Variants in ARHGEF3 observed in about 807,000 individuals in gnomAD.
The protein encoded by ARHGEF3 is Rho guanine nucleotide exchange factor 3, also known as 59.8 kDA protein.
Under a neutral mutation model 63.2 loss-of-function variants are expected in ARHGEF3, and 28 were observed. That is an observed-to-expected ratio of 0.44 (90% confidence interval 0.33 to 0.61). The LOEUF is 0.61. ARHGEF3 is among the 20% of genes least tolerant of loss of function. The pLI, the probability that ARHGEF3 is intolerant of heterozygous loss-of-function variation, is 0.03. For missense variants in ARHGEF3, 533 were observed against 659.3 expected (o/e 0.81, Z 2.10); for synonymous variants, 266 against 254.2 (o/e 1.05, Z -0.44).
chr3:56,968,056 T>TATTAC (rs1700678120), intron 2 of ARHGEF3, among the ~76,000 whole-genome samples: 1 of 33,846 alleles, frequency 3.0e-5, no homozygotes, highest in Admixed American at 6.1e-4. Context: ...ATATATAATA[T>TATTAC]ATATAATATA....
chr3:57,002,096 T>C (rs1037371726), intron 2 of ARHGEF3, among the ~76,000 whole-genome samples: 2 of 151,886 alleles, frequency 1.3e-5, no homozygotes, highest in Non-Finnish European at 2.9e-5. Flanking sequence ...GCTAATTTTT[T>C]GTATTTTTAG....
At chr3:56,926,028 C>T (rs1045010304) in intron 3 of ARHGEF3, among the ~76,000 whole-genome samples, 16 of 152,244 alleles carry the variant, frequency 1.1e-4, no homozygotes, top group Non-Finnish European at 2.2e-4. Context: ...CAGAAGCTCA[C>T]AGGCCAGAGG....
At chr3:56,948,352 A>T (rs1257439834) in intron 3 of ARHGEF3, among the ~76,000 whole-genome samples, 1 of 152,192 alleles carries the variant, frequency 6.6e-6, no homozygotes, top group African/African-American at 2.4e-5. Context: ...TGGTTTTTTG[A>T]AAAGATCAAC....
At chr3:56,865,452 G>A (rs529798968) in intron 4 of ARHGEF3, among the ~76,000 whole-genome samples, 1 of 152,308 alleles carries the variant, frequency 6.6e-6, no homozygotes, top group African/African-American at 2.4e-5. Context: ...AATATCAAAT[G>A]TAAAGGAAGA....
chr3:56,849,214 C>G (rs2039590292), intron 4 of ARHGEF3, among the ~76,000 whole-genome samples: 1 of 152,160 alleles, frequency 6.6e-6, no homozygotes, highest in Non-Finnish European at 1.5e-5. Flanking sequence ...GTGTCCTGTA[C>G]CTACAGAATT....
chr3:57,013,128 C>G (rs1702776204), intron 2 of ARHGEF3, among the ~76,000 whole-genome samples: 1 of 152,248 alleles, frequency 6.6e-6, no homozygotes, highest in Admixed American at 6.5e-5. Flanking sequence ...GGACCTCCAG[C>G]CCGCCATGCC....
intron 4 of ARHGEF3, among the ~76,000 whole-genome samples, chr3:56,813,124 G>T (rs2038134498): frequency 6.6e-6 from 1 of 152,200 alleles, no homozygotes; most frequent in Non-Finnish European, 1.5e-5. Flanking sequence ...GGTAGGCAAT[G>T]AAAGAGTGCC....
At chr3:57,065,402 A>G (rs1705472359) in intron 1 of ARHGEF3, among the ~76,000 whole-genome samples, 1 of 152,076 alleles carries the variant, frequency 6.6e-6, no homozygotes, top group Non-Finnish European at 1.5e-5. Flanking sequence ...CAGAGGTTGC[A>G]GTAAGCTGAG....
intron 6 of ARHGEF3, among the ~76,000 whole-genome samples, chr3:56,747,062 CACAGAGAGAGAGAGAG>C (rs1256337947): frequency 1.6e-5 from 2 of 125,980 alleles, no homozygotes; most frequent in African/African-American, 3.3e-5. Context: ...CGCACACACA[CACAGAGAGAGAGAGAG>C]AGAGAGAGAG....
chr3:56,779,699 G>T (rs1363496651), intron 1 of ARHGEF3, among the ~76,000 whole-genome samples: 1 of 152,152 alleles, frequency 6.6e-6, no homozygotes, highest in Non-Finnish European at 1.5e-5. Context: ...AGCTTGCTTT[G>T]TACCTTTTCT....
intron 8 of ARHGEF3, among the ~76,000 whole-genome samples, chr3:56,732,940 G>T (rs1281023524): frequency 6.6e-6 from 1 of 152,152 alleles, no homozygotes; most frequent in Non-Finnish European, 1.5e-5. Context: ...TTGAGGTTAG[G>T]AGTTCAAGAC....
chr3:56,892,793 T>C (rs530534625), intron 3 of ARHGEF3, among the ~76,000 whole-genome samples: 1 of 152,352 alleles, frequency 6.6e-6, no homozygotes, highest in Admixed American at 6.5e-5. Flanking sequence ...TTCTCCTACC[T>C]AGAAATGCTC....
upstream of ARHGEF3, chr3:56,801,964 A>T: frequency 5.5e-6 from 7 of 1,266,474 alleles, no homozygotes; most frequent in East Asian, 5.6e-5. Context: ...TCCGGAGCCG[A>T]GTGGGCGGGA....
intron 2 of ARHGEF3, among the ~76,000 whole-genome samples, chr3:56,979,068 A>G (rs1187641947): frequency 6.6e-6 from 1 of 152,172 alleles, no homozygotes; most frequent in Non-Finnish European, 1.5e-5. Context: ...AGGTGGGAGG[A>G]TGGCTTGAGC....
intron 2 of ARHGEF3, among the ~76,000 whole-genome samples, chr3:56,997,993 G>A (rs6802094): frequency 0.014 from 2,089 of 152,198 alleles, 40 homozygotes; most frequent in African/African-American, 0.033. Flanking sequence ...AAAATGAGGC[G>A]GACAAGACTT....
intron 1 of ARHGEF3, among the ~76,000 whole-genome samples, chr3:57,057,918 G>A (rs1202502524): frequency 6.6e-6 from 1 of 152,192 alleles, no homozygotes; most frequent in African/African-American, 2.4e-5. Flanking sequence ...GAGTTGAGGA[G>A]GGGCCACTTA....
rs566212572 is a variant in ARHGEF3, at chr3:56,732,656, C to T, written c.1042-232G>A. ...TCCCTAGGGACTCAATGGAGAAAGC[C>T]CTTCTGCCTACAGACACCTACAGCC... On this transcript the variant is annotated intron_variant, in intron 8 of 9. Transcript: ENST00000296315. Among the ~76,000 whole-genome samples the T allele has an allele frequency of 2.0e-5, 3 of 152,214 alleles. No individual in the cohort carries two copies. The East Asian group carries it at 5.8e-4, about 29-fold the overall frequency.
intron 2 of ARHGEF3, among the ~76,000 whole-genome samples, chr3:57,033,149 C>G (rs1194742811): frequency 1.3e-5 from 2 of 152,112 alleles, no homozygotes; most frequent in Middle Eastern, 3.2e-3. Flanking sequence ...AGATCTGGTG[C>G]CCAGGTGATA....
chr3:56,856,276 G>A (rs979896487), intron 4 of ARHGEF3, among the ~76,000 whole-genome samples: 1 of 152,166 alleles, frequency 6.6e-6, no homozygotes, highest in African/African-American at 2.4e-5. Context: ...ATAAGAAAAT[G>A]ATCTATGTCT....
Sources: gnomAD v4.1 joint callset for allele counts (sites outside exome capture counted in the v4.1 genomes callset) on GRCh38, gnomAD v4.1.1 for gene constraint, MANE v1.5 for transcripts, NCBI Gene and HGNC (gene_info 2026-07-23, HGNC 2026-07-21) for gene names.